Variants in ALDH7A1 observed in about 807,000 individuals in gnomAD.
ALDH7A1 encodes the protein alpha-aminoadipic semialdehyde dehydrogenase.
ALDH7A1 carries 63 observed loss-of-function variants against 79.9 expected under a neutral mutation model. That is an observed-to-expected ratio of 0.79 (90% CI 0.64 to 0.97). ALDH7A1 has a LOEUF of 0.97. Ranked by LOEUF, ALDH7A1 falls within the 50% of genes least tolerant of loss-of-function variation. The pLI is 0.00. For synonymous variants in ALDH7A1, 240 were observed against 231.2 expected (o/e 1.04, Z -0.34); for missense variants, 627 against 665.2 (o/e 0.94, Z 0.63).
At chr5:126,545,422 C>T (rs925109026) in intron 17 of ALDH7A1, among the ~76,000 whole-genome samples, 4 of 151,852 alleles carry the variant, frequency 2.6e-5, no homozygotes, top group Non-Finnish European at 5.9e-5. Context: ...ACCACCACGC[C>T]TGGCTAATTT....
chr5:126,552,151 A>G lies in ALDH7A1; in HGVS notation c.1201-14T>C, dbSNP rs764812810. 2.2e-5 allele frequency: 35 copies of G among 1,602,340 alleles called. No homozygotes were observed. The highest frequency in any genetic ancestry group is 2.6e-5 in the Non-Finnish European group (30 of 1,169,502). ...GCGATCCATAACCTAATGCAGAGAA[A>G]TGAAATAAAAAGAATGAAAGCATTT... is the stretch of plus-strand genomic sequence containing the variant. On this transcript the variant is annotated splice_polypyrimidine_tract_variant and intron_variant, in intron 13 of 17. Transcript: ENST00000409134.
intron 10 of ALDH7A1, among the ~76,000 whole-genome samples, chr5:126,560,344 G>A (rs1311505958): frequency 3.3e-5 from 5 of 152,058 alleles, no homozygotes; most frequent in Non-Finnish European, 7.4e-5. Context: ...GGTGGCATGC[G>A]CCTGTAATTC....
chr5:126,550,185 C>CA lies in ALDH7A1; in HGVS notation c.1415+10dup. On this transcript the variant is annotated intron_variant, in intron 15 of 17. Transcript: ENST00000409134. ...GACTTATATAAATTTTCAAAATAGA[C>CA]AAAGTTGTACCCAAGCCAGCGAAAG... 6.2e-7 allele frequency: 1 copy of CA among 1,610,848 alleles called. No individual in the cohort carries two copies. Among genetic ancestry groups the CA allele is most frequent in the Non-Finnish European group, 8.5e-7 (1 of 1,178,598 alleles).
At chr5:126,578,146 G>A (rs556901150) in intron 5 of ALDH7A1, among the ~76,000 whole-genome samples, 4 of 151,690 alleles carry the variant, frequency 2.6e-5, no homozygotes, top group African/African-American at 9.7e-5. Context: ...AAAATTAGCC[G>A]GGCGTGGTGG....
In ALDH7A1 at chr5:126,548,780, CT is replaced by C. The variant is rs200242463; in HGVS notation, c.1489+1148del. On this transcript the variant is annotated intron_variant, in intron 16 of 17. Coordinates refer to ENST00000409134, the MANE Select transcript of ALDH7A1 (RefSeq NM_001182.5). ...GCTTAAATGAAGAATAGTCAATTGACTGGGTGCAGTGGCTCATGCCTGTAAT... is the reference window on the plus strand; with the variant it reads ...GCTTAAATGAAGAATAGTCAATTGACGGGTGCAGTGGCTCATGCCTGTAAT... 6.4e-3 allele frequency among the ~76,000 whole-genome samples: 969 copies of C among 150,968 alleles called. 14 individuals are homozygous for C. The highest frequency in any genetic ancestry group is 0.022 in the South Asian group (103 of 4,790).
At chr5:126,593,919 C>G in intron 1 of ALDH7A1, 1 of 267,858 alleles carries the variant, frequency 3.7e-6, no homozygotes, top group South Asian at 3.9e-5. Flanking sequence ...GATGAAACAC[C>G]GAGGTCTGAG....
chr5:126,579,311 C>T (rs1043554071), intron 5 of ALDH7A1, among the ~76,000 whole-genome samples: 4 of 152,312 alleles, frequency 2.6e-5, no homozygotes, highest in Admixed American at 2.6e-4. Context: ...CTCTTTGTCC[C>T]ATTTGGGACC....
intron 9 of ALDH7A1, chr5:126,564,320 G>A (rs1945146204): frequency 3.2e-6 from 1 of 308,256 alleles, no homozygotes; most frequent in South Asian, 1.6e-4. Flanking sequence ...TAATTTTTTT[G>A]TATTTTAGTA....
chr5:126,587,625 CTG>C (rs1160764880), intron 3 of ALDH7A1: 1 of 151,802 alleles, frequency 6.6e-6, no homozygotes, highest in African/African-American at 2.4e-5. Flanking sequence ...GAGCAAAACT[CTG>C]TCTCAAAAAA....
intron 3 of ALDH7A1, among the ~76,000 whole-genome samples, chr5:126,585,500 C>T (rs1364359902): frequency 6.6e-6 from 1 of 152,188 alleles, no homozygotes; most frequent in Non-Finnish European, 1.5e-5. Flanking sequence ...TCTCTTAGTA[C>T]AGCTTCTCTG....
At chr5:126,554,716 T>C in intron 12 of ALDH7A1, 1 of 383,408 alleles carries the variant, frequency 2.6e-6, no homozygotes, top group East Asian at 6.4e-5. Context: ...ATCTCTAGTT[T>C]AAAGGAATGG....
chr5:126,576,902 G>A (rs1750991053), intron 6 of ALDH7A1, among the ~76,000 whole-genome samples, 177 bp downstream of exon 6: 1 of 152,106 alleles, frequency 6.6e-6, no homozygotes. Context: ...ACTCCAGCCA[G>A]GGCAACAAGA....
intron 3 of ALDH7A1, among the ~76,000 whole-genome samples, chr5:126,585,633 C>T (rs1469764361): frequency 6.6e-6 from 1 of 152,188 alleles, no homozygotes; most frequent in East Asian, 1.9e-4. Context: ...GCGATCTCGG[C>T]TCAGTGCAAC....
intron 3 of ALDH7A1, among the ~76,000 whole-genome samples, chr5:126,590,483 C>T (rs561070320): frequency 1.3e-3 from 197 of 151,930 alleles, no homozygotes; most frequent in African/African-American, 4.5e-3. Context: ...CACTTGAACC[C>T]GAAAGGCAGA....
At chr5:126,594,438 A>ATTTTTTTTTTTTTTTTTTTTTTTTTTTT (rs34684581) in intron 1 of ALDH7A1, 1 of 178,562 alleles carries the variant, frequency 5.6e-6, no homozygotes, top group Non-Finnish European at 1.1e-5. Flanking sequence ...TAAGGTTTTA[A>ATTTTTTTTTTTTTTTTTTTTTTTTTTTT]TTTTTTTTTT....
At chr5:126,546,638 C>CA (rs1749795129) in intron 16 of ALDH7A1, among the ~76,000 whole-genome samples, 1 of 137,078 alleles carries the variant, frequency 7.3e-6, no homozygotes, top group African/African-American at 2.9e-5. Context: ...GAAATGGAAA[C>CA]AGAAAGAAAC....
intron 11 of ALDH7A1, among the ~76,000 whole-genome samples, chr5:126,558,191 A>C (rs1175186746): frequency 3.2e-5 from 4 of 123,468 alleles, no homozygotes; most frequent in Non-Finnish European, 5.2e-5. Flanking sequence ...AAAAAAAAAA[A>C]CACAAAAACA....
chr5:126,589,507 G>A (rs889999805), intron 3 of ALDH7A1, among the ~76,000 whole-genome samples: 1 of 151,926 alleles, frequency 6.6e-6, no homozygotes, highest in Non-Finnish European at 1.5e-5. Context: ...AAGGCCAGGT[G>A]AAGTGGCTAA....
Position 126,546,371 on chromosome 5 carries a change from C to G in ALDH7A1, c.1518G>C (p.Arg506Ser). Reference sequence around the variant, plus strand: ...GTTTCCAGGCATCACTGCCAGACTCCCTGCCACCACCAGTGTGCTTTTCTC... The same window carrying G: ...GTTTCCAGGCATCACTGCCAGACTCGCTGCCACCACCAGTGTGCTTTTCTC... ...FGGEKHTGGGRESGSDAWKQY... is the reference protein window; with the variant it reads ...FGGEKHTGGGSESGSDAWKQY... Residue 506 changes from arginine (R) to serine (S), a missense_variant, in exon 17 of 18, where the codon AGG (arginine) becomes AGC (serine). Transcript: ENST00000409134. The G allele has an allele frequency of 6.2e-7, 1 of 1,614,182 alleles. No individual in the cohort carries two copies. The highest frequency in any genetic ancestry group is 1.1e-5 in the South Asian group (1 of 91,080).
Sources: allele counts gnomAD v4.1 joint callset (sites outside exome capture counted in the v4.1 genomes callset), GRCh38; gene constraint gnomAD v4.1.1; transcripts MANE v1.5; gene names NCBI Gene and HGNC (gene_info 2026-07-23, HGNC 2026-07-21).